IDE: variants seen among roughly 807,000 people sequenced by gnomAD.
The protein encoded by IDE is insulin-degrading enzyme.
A neutral mutation model predicts 133.2 loss-of-function variants in IDE; 58 were observed. The observed-to-expected ratio is 0.44, with a 90% CI of 0.35 to 0.54. IDE has a LOEUF of 0.54. IDE is among the 20% of genes least tolerant of loss of function. The probability of loss-of-function intolerance (pLI) is 0.00; values close to 1 mark genes in which losing one functional copy is unlikely to be tolerated. For missense variants in IDE, 981 were observed against 1,234.0 expected (o/e 0.79, Z 3.07); for synonymous variants, 396 against 421.3 (o/e 0.94, Z 0.73).
chr10:92,507,049 A>C (rs1023862277), intron 9 of IDE, among the ~76,000 whole-genome samples: 1 of 152,144 alleles, frequency 6.6e-6, no homozygotes, highest in East Asian at 1.9e-4. Flanking sequence ...ACGTATTTTT[A>C]AAAACCCTTT....
At chr10:92,514,798 A>G in intron 5 of IDE, 122 bp downstream of exon 5, 2 of 731,706 alleles carry the variant, frequency 2.7e-6, no homozygotes, top group African/African-American at 1.8e-5. Context: ...CAAGTAGATC[A>G]TTTTCAAAAG....
chr10:92,483,242 T>C lies in IDE; in HGVS notation c.1739+13A>G. On this transcript the variant is annotated intron_variant, in intron 14 of 24. Coordinates refer to ENST00000265986, the MANE Select transcript of IDE (RefSeq NM_004969.4). Reference sequence around the variant, plus strand: ...TTTTTATAAGCTTTATAAGCTAGATTCATCTTACATACCTGAAAAATTCAA... The same window carrying C: ...TTTTTATAAGCTTTATAAGCTAGATCCATCTTACATACCTGAAAAATTCAA... 1 of 1,397,548 alleles carries C rather than the reference T, an allele frequency of 7.2e-7. No homozygotes were observed. The highest frequency in any genetic ancestry group is 1.0e-6 in the Non-Finnish European group (1 of 983,866). The allele number at this position is 1,397,548 out of a possible 1,614,324, so 86.6% of individuals were successfully genotyped here.
At chr10:92,479,059 TA>T (rs1009038025) in intron 15 of IDE, among the ~76,000 whole-genome samples, 5 of 150,790 alleles carry the variant, frequency 3.3e-5, no homozygotes, top group Admixed American at 1.3e-4. Flanking sequence ...GAAAGACGTT[TA>T]AAAAAAAAGA....
At chr10:92,563,495 G>A (rs1843378889) in intron 1 of IDE, among the ~76,000 whole-genome samples, 1 of 151,636 alleles carries the variant, frequency 6.6e-6, no homozygotes, top group African/African-American at 2.4e-5. Flanking sequence ...GCTCAAACCT[G>A]TAATTCCAGC....
intron 1 of IDE, among the ~76,000 whole-genome samples, chr10:92,540,982 T>TA (rs1842276389): frequency 6.6e-6 from 1 of 152,168 alleles, no homozygotes; most frequent in Non-Finnish European, 1.5e-5. Flanking sequence ...GCCATGGATA[T>TA]AACTTATTTG....
intron 4 of IDE, among the ~76,000 whole-genome samples, chr10:92,516,688 C>G (rs1471311422): frequency 6.6e-6 from 1 of 152,068 alleles, no homozygotes; most frequent in Non-Finnish European, 1.5e-5. Context: ...TGCCAAGTTA[C>G]TTGTGGAAAG....
chr10:92,548,654 C>G (rs1359488416), intron 1 of IDE, among the ~76,000 whole-genome samples: 1 of 152,124 alleles, frequency 6.6e-6, no homozygotes, highest in Non-Finnish European at 1.5e-5. Flanking sequence ...TTAACACATA[C>G]TTATGTGAAT....
At chr10:92,569,656 A>G (rs999174943) in intron 1 of IDE, among the ~76,000 whole-genome samples, 1 of 152,214 alleles carries the variant, frequency 6.6e-6, no homozygotes, top group Admixed American at 6.5e-5. Context: ...AACTGAAAAA[A>G]TGATAACAAC....
intron 1 of IDE, among the ~76,000 whole-genome samples, chr10:92,537,792 G>C (rs904917715): frequency 5.9e-5 from 9 of 152,174 alleles, no homozygotes; most frequent in African/African-American, 1.9e-4. Context: ...CACATGGATA[G>C]GGATTTGAGA....
At position 92,463,976 on chromosome 10, in the gene IDE, C is replaced by T. The variant is rs1442501956; in HGVS notation, c.2516G>A (p.Arg839Gln). ...TCTCAAGCCCTGTATGCCATTAGCT[C>T]GACGTGGCCCGCTGAAGACGATATA... ...LGYIVFSGPR[R>Q]ANGIQGLRFI... Residue 839 changes from arginine to glutamine, a missense_variant, in exon 21 of 25, where the codon CGA (arginine) becomes CAA (glutamine). By Grantham distance (43) the Arg-to-Gln change is conservative (BLOSUM62 1). Transcript: ENST00000265986. The T allele has an allele frequency of 5.6e-6, 9 of 1,613,644 alleles. No homozygotes were observed. Among genetic ancestry groups the T allele is most frequent in the Middle Eastern group, 3.3e-4 (2 of 6,084 alleles).
At position 92,456,506 on chromosome 10, in the gene IDE, T is replaced by C. The variant is rs921561226; in HGVS notation, c.2824-75A>G. The C allele has an allele frequency of 2.8e-5, 28 of 992,378 alleles. No homozygotes were observed. In the African/African-American group the frequency reaches 4.5e-4, roughly 16 times the overall value. The allele number at this position is 992,378 out of a possible 1,614,324, so 61.5% of individuals were successfully genotyped here. On this transcript the variant is annotated intron_variant, in intron 22 of 24. Transcript: ENST00000265986. The stretch of plus-strand genomic sequence containing the variant: ...ACAATGAGGTGTTCTCTGAAGACTA[T>C]GAAGAATCAGCTATCACACAGTCAG...
chr10:92,528,153 T>A (rs1003876210), intron 4 of IDE, among the ~76,000 whole-genome samples: 5 of 152,220 alleles, frequency 3.3e-5, no homozygotes, highest in Admixed American at 3.3e-4. Context: ...ATAATCACAT[T>A]TTCCCCCTTG....
At chr10:92,534,933 G>T in intron 2 of IDE, 148 bp from the exon 3 acceptor site, 1 of 632,934 alleles carries the variant, frequency 1.6e-6, no homozygotes, top group Non-Finnish European at 2.7e-6. Flanking sequence ...ATATTATTTA[G>T]AAAGTAAATC....
chr10:92,481,952 A>T (rs568041577), intron 14 of IDE, among the ~76,000 whole-genome samples: 6 of 152,342 alleles, frequency 3.9e-5, no homozygotes, highest in African/African-American at 1.4e-4. Context: ...AATAAAAAGC[A>T]GCTTTGTAAT....
intron 2 of IDE, among the ~76,000 whole-genome samples, chr10:92,536,156 G>A (rs1841989799): frequency 6.6e-6 from 1 of 152,308 alleles, no homozygotes; most frequent in Middle Eastern, 3.4e-3. Context: ...GCTGAGGCGG[G>A]TGGATCACCT....
chr10:92,550,695 C>A (rs1052876478), intron 1 of IDE, among the ~76,000 whole-genome samples: 1 of 142,918 alleles, frequency 7.0e-6, no homozygotes, highest in Non-Finnish European at 1.5e-5. Flanking sequence ...CATGGTGAAA[C>A]CCCGTTTCTA....
chr10:92,534,870 T>G (rs1841911291), intron 2 of IDE, 85 bp from the exon 3 acceptor site: 2 of 905,146 alleles, frequency 2.2e-6, no homozygotes, highest in Admixed American at 4.2e-5. Flanking sequence ...CTTGTTAGCA[T>G]GACAACTCCA....
chr10:92,468,790 TA>T, intron 19 of IDE, 88 bp downstream of exon 19: 2 of 668,052 alleles, frequency 3.0e-6, no homozygotes, highest in Non-Finnish European at 5.4e-6. Flanking sequence ...ATCTTTGGCG[TA>T]AAACTATACC....
At chr10:92,529,013 G>C (rs562776238) in intron 4 of IDE, among the ~76,000 whole-genome samples, 1 of 152,126 alleles carries the variant, frequency 6.6e-6, no homozygotes, top group Admixed American at 6.5e-5. Flanking sequence ...AGAGGCAGAG[G>C]TTGCAGTGAG....
Sources: gnomAD v4.1 joint callset for allele counts (sites outside exome capture counted in the v4.1 genomes callset) on GRCh38, gnomAD v4.1.1 for gene constraint, MANE v1.5 for transcripts, NCBI Gene and HGNC (gene_info 2026-07-23, HGNC 2026-07-21) for gene names.